The following TRPC6 variants were observed in gnomAD, a reference collection of about 807,000 sequenced individuals.
The protein encoded by TRPC6 is transient receptor potential cation channel subfamily C member 6.
In TRPC6, 55 loss-of-function variants were observed where a neutral mutation model predicts 90.7. That is an observed-to-expected ratio of 0.61 (90% confidence interval 0.49 to 0.76). The LOEUF (loss-of-function observed/expected upper bound fraction) is 0.76. Ranked by LOEUF, TRPC6 falls within the 30% of genes least tolerant of loss-of-function variation. The pLI, the probability that TRPC6 is intolerant of heterozygous loss-of-function variation, is 0.00. For missense variants in TRPC6, 989 were observed against 1,122.7 expected (o/e 0.88, Z 1.70); for synonymous variants, 393 against 393.0 (o/e 1.00, Z 0.00).
At chr11:101,506,946 T>C (rs1343814808) in intron 1 of TRPC6, among the ~76,000 whole-genome samples, 2 of 151,624 alleles carry the variant, frequency 1.3e-5, no homozygotes, top group Non-Finnish European at 2.9e-5. Context: ...ATTTTTCAGG[T>C]TTGGCATTAC....
At chr11:101,538,305 G>A (rs1861097993) in intron 1 of TRPC6, among the ~76,000 whole-genome samples, 1 of 151,654 alleles carries the variant, frequency 6.6e-6, no homozygotes, top group Non-Finnish European at 1.5e-5. Flanking sequence ...CTTTTCTATT[G>A]CCTGTTTTCC....
intron 3 of TRPC6, among the ~76,000 whole-genome samples, chr11:101,490,871 C>A (rs914574863): frequency 6.6e-6 from 1 of 151,994 alleles, no homozygotes; most frequent in Non-Finnish European, 1.5e-5. Flanking sequence ...AATTCTAATG[C>A]GGTAAAGAAG....
rs201363468 is a variant in TRPC6, at chr11:101,504,665, A to T, written c.304T>A (p.Phe102Ile). 13 of 1,604,974 alleles carry T rather than the reference A, an allele frequency of 8.1e-6. No individual in the cohort carries two copies. The highest frequency in any genetic ancestry group is 1.1e-5 in the Non-Finnish European group (13 of 1,174,396). Reference sequence around the variant, plus strand: ...TTACCATATTCAGCTGCATCCAAAAAGCGTTCCTCCTCTATAGATAGGCTT... The same window carrying T: ...TTACCATATTCAGCTGCATCCAAAATGCGTTCCTCCTCTATAGATAGGCTT... ...STSLSIEEER[F>I]LDAAEYGNIP... The change falls in exon 2 of 13, where the codon TTT becomes ATT. Residue 102 changes from phenylalanine (F) to isoleucine (I), a missense_variant. Phe to Ile is a conservative substitution (Grantham distance 21). This residue lies in a region of TRPC6 where 486 missense variants were observed against 591.9 expected (regional missense o/e 0.82). Transcript: ENST00000344327.
At chr11:101,473,367 G>T in intron 7 of TRPC6, 142 bp downstream of exon 7, 3 of 870,430 alleles carry the variant, frequency 3.4e-6, no homozygotes, top group South Asian at 1.7e-5. Flanking sequence ...CAACTCATTT[G>T]TAAAATCCCC....
Position 101,504,338 on chromosome 11 carries a change from CATCATAGGCATAAAA to C in TRPC6, c.616_630del (p.Phe206_Asp210del). On this transcript the variant is annotated inframe_deletion, in exon 2 of 13. Coordinates refer to ENST00000344327, the MANE Select transcript of TRPC6 (RefSeq NM_004621.6). ...TCATGGGAGAACCGTGTCCCATCTT[CATCATAGGCATAAAA>C]ATCATCTTGCTGGAGTTCAGACTGG... The C allele has an allele frequency of 6.2e-7, 1 of 1,614,078 alleles. No individual in the cohort carries two copies. Among genetic ancestry groups the C allele is most frequent in the Non-Finnish European group, 8.5e-7 (1 of 1,179,948 alleles).
chr11:101,573,954 GTGTA>G (rs879751634), intron 1 of TRPC6, among the ~76,000 whole-genome samples: 6,832 of 86,500 alleles, frequency 0.079, 317 homozygotes, highest in Non-Finnish European at 0.14. Flanking sequence ...GTGTGTGTGT[GTGTA>G]TGTGTGTGTG....
intron 9 of TRPC6, among the ~76,000 whole-genome samples, chr11:101,470,302 A>T (rs747359104): frequency 2.6e-5 from 4 of 152,204 alleles, no homozygotes; most frequent in Non-Finnish European, 5.9e-5. Context: ...CATTTTTGAA[A>T]AACAAGTGTA....
At chr11:101,513,058 G>C (rs766026671) in intron 1 of TRPC6, among the ~76,000 whole-genome samples, 3 of 152,202 alleles carry the variant, frequency 2.0e-5, no homozygotes, top group Non-Finnish European at 4.4e-5. Flanking sequence ...GTCTGAAGGG[G>C]CATAATGAGG....
At chr11:101,562,615 C>T (rs1861739531) in intron 1 of TRPC6, among the ~76,000 whole-genome samples, 1 of 152,156 alleles carries the variant, frequency 6.6e-6, no homozygotes, top group Non-Finnish European at 1.5e-5. Context: ...CTGAGCCTTA[C>T]TCATATGTAG....
At chr11:101,523,592 A>G (rs1860709023) in intron 1 of TRPC6, among the ~76,000 whole-genome samples, 1 of 152,222 alleles carries the variant, frequency 6.6e-6, no homozygotes, top group Non-Finnish European at 1.5e-5. Context: ...ACCAATTTCA[A>G]ACTTCACTGG....
At chr11:101,457,417 C>T (rs1394009253) in intron 10 of TRPC6, among the ~76,000 whole-genome samples, 1 of 152,074 alleles carries the variant, frequency 6.6e-6, no homozygotes, top group Non-Finnish European at 1.5e-5. Flanking sequence ...ATACTAATAA[C>T]TTGTTTCTAA....
rs1289618049 is a variant in TRPC6, at chr11:101,472,176, C to T, written c.2166G>A (p.Met722Ile). ...NVTMVIVLLN[M>I]LIAMINSSFQ... The stretch of plus-strand genomic sequence containing the variant: ...ATGAACTGTTGATCATGGCAATTAA[C>T]ATATTTAGCAAAACAATGACCATCG... The change falls in exon 8 of 13, where the codon ATG (methionine) becomes ATA (isoleucine). Residue 722 changes from methionine to isoleucine, a missense_variant. This residue lies in a region of TRPC6 where 118 missense variants were observed against 197.6 expected (regional missense o/e 0.60). Coordinates refer to ENST00000344327, the MANE Select transcript of TRPC6 (RefSeq NM_004621.6). 2 of 1,612,064 alleles carry T rather than the reference C, an allele frequency of 1.2e-6. No individual in the cohort carries two copies. Among genetic ancestry groups the T allele is most frequent in the Non-Finnish European group, 8.5e-7 (1 of 1,179,382 alleles).
At chr11:101,494,361 A>G (rs1263494025) in intron 2 of TRPC6, among the ~76,000 whole-genome samples, 1 of 152,212 alleles carries the variant, frequency 6.6e-6, no homozygotes, top group Admixed American at 6.5e-5. Flanking sequence ...GTGAGATTAA[A>G]TAAGTATTAA....
intron 8 of TRPC6, 113 bp downstream of exon 8, chr11:101,472,024 G>T: frequency 9.1e-7 from 1 of 1,098,324 alleles, no homozygotes. Flanking sequence ...GTATAAAACA[G>T]GGAATGAACA....
At chr11:101,532,073 G>C (rs973554136) in intron 1 of TRPC6, among the ~76,000 whole-genome samples, 3 of 152,190 alleles carry the variant, frequency 2.0e-5, no homozygotes, top group African/African-American at 7.2e-5. Flanking sequence ...CAAGTCCAGG[G>C]TTTAGATCAA....
chr11:101,548,241 G>T (rs1397647932), intron 1 of TRPC6, among the ~76,000 whole-genome samples: 1 of 111,890 alleles, frequency 8.9e-6, no homozygotes, highest in East Asian at 2.3e-4. Flanking sequence ...AACAGCCTAA[G>T]AACTAGATCA....
intron 1 of TRPC6, among the ~76,000 whole-genome samples, chr11:101,549,918 G>GT (rs1323134642): frequency 7.3e-5 from 11 of 151,414 alleles, no homozygotes; most frequent in Non-Finnish European, 1.6e-4. Context: ...ATGAGGTACT[G>GT]TTTTTTCCAT....
At chr11:101,506,015 G>GAAAAAAA (rs34504825) in intron 1 of TRPC6, among the ~76,000 whole-genome samples, 1 of 98,450 alleles carries the variant, frequency 1.0e-5, no homozygotes, top group African/African-American at 3.4e-5. Context: ...CTATATCAAA[G>GAAAAAAA]AAAAAAAAAA....
At chr11:101,506,765 TTTG>T (rs1392978576) in intron 1 of TRPC6, among the ~76,000 whole-genome samples, 2 of 152,170 alleles carry the variant, frequency 1.3e-5, no homozygotes, top group Non-Finnish European at 2.9e-5. Flanking sequence ...TAGCTATTAC[TTTG>T]TTTTTAATTC....
Sources: gnomAD v4.1 joint callset for allele counts (sites outside exome capture counted in the v4.1 genomes callset) on GRCh38, gnomAD v4.1.1 for gene constraint, gnomAD v4.1.1 regional missense constraint, MANE v1.5 for transcripts, NCBI Gene and HGNC (gene_info 2026-07-23, HGNC 2026-07-21) for gene names.